The following RGS12 variants were observed in gnomAD, a reference collection of about 807,000 sequenced individuals.
The protein encoded by RGS12 is regulator of G-protein signaling 12.
Under a neutral mutation model 120.1 loss-of-function variants are expected in RGS12, and 66 were observed. The ratio of observed to expected loss-of-function variants is 0.55; its 90% CI spans 0.45 to 0.67. RGS12 has a LOEUF of 0.67. Among genes scored for constraint, RGS12 ranks in the 30% least tolerant of loss-of-function variants. The pLI is 0.00. For missense variants in RGS12, 1,859 were observed against 1,957.7 expected (o/e 0.95, Z 0.95); for synonymous variants, 827 against 804.7 (o/e 1.03, Z -0.47).
Position 3,415,987 on chromosome 4 carries a change from A to T in RGS12, c.2293A>T (p.Arg765Trp). The change falls in exon 7 of 18, where the codon AGG (arginine) becomes TGG (tryptophan). Residue 765 changes from arginine (R) to tryptophan (W), a missense_variant. Coordinates refer to ENST00000336727, the MANE Select transcript of RGS12 (RefSeq NM_001394154.1). ...PAHDKKELSY[R>W]AREIFSKFLC... is the part of the protein sequence containing the mutation. ...GTGCCTTTCCTGTCAGCTTTCCTAC[A>T]GGGCCCGGGAGATTTTCAGTAAGTT... is the stretch of plus-strand genomic sequence containing the variant. 1 of 1,609,398 alleles carries T rather than the reference A, an allele frequency of 6.2e-7. No homozygotes were observed. The highest frequency in any genetic ancestry group is 8.5e-7 in the Non-Finnish European group (1 of 1,178,064).
At chr4:3,311,895 C>T (rs983413850) in intron 1 of RGS12, among the ~76,000 whole-genome samples, 7 of 152,182 alleles carry the variant, frequency 4.6e-5, no homozygotes, top group African/African-American at 9.7e-5. Context: ...TGCTGTGCGG[C>T]GAGTGGGGAC....
intron 4 of RGS12, among the ~76,000 whole-genome samples, chr4:3,404,271 A>G (rs577212308): frequency 1.3e-5 from 2 of 152,364 alleles, no homozygotes; most frequent in South Asian, 4.1e-4. Context: ...AGCCAGAGAC[A>G]GAAGGATTGT....
intron 4 of RGS12, among the ~76,000 whole-genome samples, chr4:3,395,933 G>A (rs946151605): frequency 1.3e-5 from 2 of 152,144 alleles, no homozygotes; most frequent in African/African-American, 2.4e-5. Flanking sequence ...ATAAAATGGT[G>A]TAGCGTTTGC....
chr4:3,290,805 A>G (rs1722986749), upstream of RGS12, among the ~76,000 whole-genome samples: 1 of 152,228 alleles, frequency 6.6e-6, no homozygotes, highest in Admixed American at 6.5e-5. Context: ...CTGACCACCC[A>G]GAGACTTGGG....
rs941420486 is a variant in RGS12 at position 3,390,884 on chromosome 4, G to T, written c.2020+4447G>T. ...ACTGCATTCCTCTTTAAAATATAAAGTATAATTGTTGATATTTTTGGCAAA... is the reference window on the plus strand; with the variant it reads ...ACTGCATTCCTCTTTAAAATATAAATTATAATTGTTGATATTTTTGGCAAA... On this transcript the variant is annotated intron_variant, in intron 4 of 17. Transcript: ENST00000336727. The surrounding 1 kb of genome is among the most constrained non-coding windows in gnomAD (Gnocchi z 4.6). Among the ~76,000 whole-genome samples, 2 of 152,178 alleles carry T rather than the reference G, an allele frequency of 1.3e-5. No homozygotes were observed.
chr4:3,407,888 C>T (rs754495811), intron 4 of RGS12, among the ~76,000 whole-genome samples: 5 of 152,312 alleles, frequency 3.3e-5, no homozygotes, highest in African/African-American at 7.2e-5. Context: ...ATATACATGG[C>T]GGCTTTTCCA....
intron 10 of RGS12, among the ~76,000 whole-genome samples, chr4:3,421,824 C>T (rs963921441): frequency 3.9e-5 from 6 of 152,218 alleles, no homozygotes; most frequent in Non-Finnish European, 5.9e-5. Flanking sequence ...TTATGAGGGG[C>T]ACAGATACAG....
chr4:3,286,244 C>T, the RGS12 span, among the ~76,000 whole-genome samples: 9 of 152,206 alleles, frequency 5.9e-5, no homozygotes, highest in Admixed American at 1.3e-4. Context: ...ACCCTAAGGG[C>T]AGGTCTTCTG....
At chr4:3,320,985 G>T (rs953544682) in intron 2 of RGS12, among the ~76,000 whole-genome samples, 1 of 152,182 alleles carries the variant, frequency 6.6e-6, no homozygotes, top group African/African-American at 2.4e-5. Context: ...CCCCTGGAGG[G>T]TGCCATGGTG....
intron 3 of RGS12, among the ~76,000 whole-genome samples, chr4:3,382,874 T>C (rs1718410708): frequency 6.6e-6 from 1 of 152,220 alleles, no homozygotes; most frequent in Non-Finnish European, 1.5e-5. Flanking sequence ...CCTTTGTTTC[T>C]CGACAGCTTC....
At chr4:3,342,669 T>G in intron 2 of RGS12, 10 of 1,050,770 alleles carry the variant, frequency 9.5e-6, no homozygotes, top group Non-Finnish European at 1.3e-5. Flanking sequence ...TCCTGTTCTG[T>G]GTTTACAGAG....
In RGS12 at chr4:3,386,838, G is replaced by A. The variant is rs533993508; in HGVS notation, c.2020+401G>A. Among the ~76,000 whole-genome samples, 13 of 152,358 alleles carry A rather than the reference G, an allele frequency of 8.5e-5. No individual in the cohort carries two copies. The South Asian group carries it at 2.7e-3, about 32-fold the overall frequency. On this transcript the variant is annotated intron_variant, in intron 4 of 17. Transcript: ENST00000336727. ...TTTGAGCAATTCAGGAAATTTGGGT[G>A]AGACCCAGAATTTTCTCAAGAAAAG...
intron 2 of RGS12, among the ~76,000 whole-genome samples, chr4:3,339,297 C>T (rs1712805925): frequency 6.6e-6 from 1 of 152,130 alleles, no homozygotes; most frequent in African/African-American, 2.4e-5. Context: ...GCCTGGGCAA[C>T]ATAGCAAGAC....
intron 3 of RGS12, among the ~76,000 whole-genome samples, chr4:3,348,945 G>A (rs1189846881): frequency 6.6e-6 from 1 of 152,140 alleles, no homozygotes; most frequent in Non-Finnish European, 1.5e-5. Flanking sequence ...AATGAAGACA[G>A]CATTTCTAAC....
At chr4:3,332,462 A>G (rs928120823) in intron 2 of RGS12, among the ~76,000 whole-genome samples, 2 of 152,260 alleles carry the variant, frequency 1.3e-5, no homozygotes, top group African/African-American at 2.4e-5. Context: ...CAGAGCCACT[A>G]AAGAATTACT....
intron 3 of RGS12, among the ~76,000 whole-genome samples, chr4:3,362,620 G>T (rs541343311): frequency 6.8e-5 from 10 of 146,798 alleles, no homozygotes; most frequent in African/African-American, 2.5e-4. Context: ...GTCGTGAGGG[G>T]GTGTGTGTGA....
chr4:3,371,927 T>A (rs572251663), intron 3 of RGS12, among the ~76,000 whole-genome samples: 1 of 152,150 alleles, frequency 6.6e-6, no homozygotes, highest in Non-Finnish European at 1.5e-5. Context: ...GTTGCCCGAC[T>A]CCATTCAAAG....
Position 3,439,692 on chromosome 4 carries a change from T to A in RGS12, c.*8T>A. Reference sequence around the variant, plus strand: ...CACGCCACCTTCGTCTGAGCTGCCCTGGCCTGGCCAACTCTCCTGTGGACA... The same window carrying A: ...CACGCCACCTTCGTCTGAGCTGCCCAGGCCTGGCCAACTCTCCTGTGGACA... On this transcript the variant is annotated 3_prime_UTR_variant, in exon 18 of 18. Coordinates refer to ENST00000336727, the MANE Select transcript of RGS12 (RefSeq NM_001394154.1). 1 of 1,495,370 alleles carries A rather than the reference T, an allele frequency of 6.7e-7. No individual in the cohort carries two copies. The highest frequency in any genetic ancestry group is 8.9e-7 in the Non-Finnish European group (1 of 1,120,800). 92.6% of individuals were successfully genotyped at this position (1,495,370 alleles called of 1,614,324 possible). A position where few individuals can be genotyped will look rare whatever the true frequency, so the allele number is the denominator to read the frequency against.
rs200690267 is a variant in RGS12 at position 3,363,102 on chromosome 4, AGT to A, written c.1998+20059_1998+20060del. Among the ~76,000 whole-genome samples, 48 of 119,038 alleles carry A rather than the reference AGT, an allele frequency of 4.0e-4. 1 individual carries two copies. Among genetic ancestry groups the A allele is most frequent in the East Asian group, 3.0e-3 (11 of 3,690 alleles). The allele number at this position is 119,038 out of a possible 152,430, so 78.1% of individuals were successfully genotyped here. A position where few individuals can be genotyped will look rare whatever the true frequency, so the allele number is the denominator to read the frequency against. On this transcript the variant is annotated intron_variant, in intron 3 of 17. Coordinates refer to ENST00000336727, the MANE Select transcript of RGS12 (RefSeq NM_001394154.1). Reference sequence around the variant, plus strand: ...GCATGTGTGAAGGCGTGTGTATGTGAGTGTGTGTGTGAGAGTGCGCATCAGTG... The same window carrying A: ...GCATGTGTGAAGGCGTGTGTATGTGAGTGTGTGTGAGAGTGCGCATCAGTG...
Sources: allele counts gnomAD v4.1 joint callset (sites outside exome capture counted in the v4.1 genomes callset), GRCh38; gene constraint gnomAD v4.1.1; non-coding constraint Gnocchi (gnomAD v3.1); transcripts MANE v1.5; gene names NCBI Gene and HGNC (gene_info 2026-07-23, HGNC 2026-07-21).